Variants in IL20 observed in about 807,000 individuals in gnomAD.
IL20 encodes interleukin 20, also known as interleukin-20.
IL20 carries 22 observed loss-of-function variants against 19.2 expected under a neutral mutation model. The observed-to-expected ratio is 1.15, with a 90% CI of 0.82 to 1.64. The LOEUF is 1.64. Among genes scored for constraint, IL20 ranks in the 40% most tolerant of loss-of-function variants. The probability of loss-of-function intolerance (pLI) is 0.00; values close to 1 mark genes in which losing one functional copy is unlikely to be tolerated. For missense variants in IL20, 215 were observed against 212.8 expected (o/e 1.01, Z -0.06); for synonymous variants, 70 against 76.2 (o/e 0.92, Z 0.43).
chr1:206,867,280 T>C, intron 4 of IL20, 104 bp from the exon 5 acceptor site: 1 of 900,646 alleles, frequency 1.1e-6, no homozygotes, highest in East Asian at 2.5e-5. Context: ...GGAATAAGCA[T>C]CCTCAGGGTT....
chr1:206,867,091 G>A (rs903362791), intron 4 of IL20, among the ~76,000 whole-genome samples: 1 of 149,572 alleles, frequency 6.7e-6, no homozygotes, highest in African/African-American at 2.5e-5. Flanking sequence ...CTAGACTACA[G>A]CTGGGGGTTG....
At chr1:206,863,927 G>A (rs1176526840), upstream of IL20, among the ~76,000 whole-genome samples, 2 of 152,038 alleles carry the variant, frequency 1.3e-5, no homozygotes, top group Admixed American at 6.6e-5. Flanking sequence ...TTAAATAATC[G>A]ATTTAAAATC....
chr1:206,867,109 G>A (rs1677574228), intron 4 of IL20, among the ~76,000 whole-genome samples: 2 of 149,834 alleles, frequency 1.3e-5, no homozygotes, highest in South Asian at 4.2e-4. Context: ...TTGTGGGGAG[G>A]CCAGATGGGG....
rs1244419334 is a variant in IL20 at position 206,869,170 on chromosome 1, G to A, written c.*606G>A. 6.6e-6 allele frequency: 1 copy of A among 152,236 alleles called. No homozygotes were observed. The highest frequency in any genetic ancestry group is 2.4e-5 in the African/African-American group (1 of 41,372). 9.4% of individuals were successfully genotyped at this position (152,236 alleles called of 1,614,324 possible). A position where few individuals can be genotyped will look rare whatever the true frequency, so the allele number is the denominator to read the frequency against. ...CCATAATTGTGTATCTTCCAGCCAG[G>A]AATCCTACACGGCCAGCATGTATTT... On this transcript the variant is annotated 3_prime_UTR_variant, in exon 6 of 6. Coordinates refer to ENST00000367098, the MANE Select transcript of IL20 (RefSeq NM_018724.4).
upstream of IL20, chr1:206,865,530 A>AGTGCCTGCTGTTCCAGGCC: frequency 1.8e-6 from 2 of 1,116,712 alleles, no homozygotes; most frequent in Non-Finnish European, 2.2e-6. This position sits in a 1 kb window ranked among gnomAD's most constrained non-coding sequence, Gnocchi z 4.1. Flanking sequence ...ATTCACTGCA[A>AGTGCCTGCTGTTCCAGGCC]GTGCCTGCTG....
rs1677635499 is a variant in IL20, at chr1:206,868,829, T to G, written c.*265T>G. On this transcript the variant is annotated 3_prime_UTR_variant, in exon 6 of 6. Transcript: ENST00000367098. Reference sequence around the variant, plus strand: ...TTATTAGTTAATATATTTATTTATTTTTTGCTATTTAATGTATTTATTTTT... The same window carrying G: ...TTATTAGTTAATATATTTATTTATTGTTTGCTATTTAATGTATTTATTTTT... The G allele has an allele frequency of 1.0e-5, 2 of 193,682 alleles. No homozygotes were observed. The highest frequency in any genetic ancestry group is 1.0e-5 in the Non-Finnish European group (1 of 96,416). The allele number at this position is 193,682 out of a possible 1,614,324, so 12.0% of individuals were successfully genotyped here.
chr1:206,866,424 C>T (rs780648406), intron 3 of IL20, 60 bp downstream of exon 3: 521 of 1,612,990 alleles, frequency 3.2e-4, no homozygotes, highest in Non-Finnish European at 4.1e-4. Context: ...ATCTCCATCA[C>T]CCTGGTCTTG....
rs757168986 is a variant in IL20 at position 206,866,444 on chromosome 1, T to G, written c.226-40T>G. The stretch of plus-strand genomic sequence containing the variant: ...CATCACCCTGGTCTTGTCTCTGCTC[T>G]CCCCTTTCCCCTCACCAATATACCT... On this transcript the variant is annotated intron_variant, in intron 3 of 5. Coordinates refer to ENST00000367098, the MANE Select transcript of IL20 (RefSeq NM_018724.4). The G allele has an allele frequency of 5.9e-5, 95 of 1,613,526 alleles. 1 individual carries two copies. Among genetic ancestry groups the G allele is most frequent in the Non-Finnish European group, 7.8e-5 (92 of 1,179,650 alleles).
Position 206,865,726 on chromosome 1 carries a change from A to T in IL20, c.-31+40A>T. 6.8e-7 allele frequency: 1 copy of T among 1,462,880 alleles called. No individual in the cohort carries two copies. The highest frequency in any genetic ancestry group is 1.5e-5 in the South Asian group (1 of 68,428). The allele number at this position is 1,462,880 out of a possible 1,614,324, so 90.6% of individuals were successfully genotyped here. On this transcript the variant is annotated intron_variant, in intron 1 of 5. Transcript: ENST00000367098. The surrounding 1 kb of genome is among the most constrained non-coding windows in gnomAD (Gnocchi z 4.1). Reference sequence around the variant, plus strand: ...TGGGCCACACTGTCTGAGGCCAGATAAGGCTGTTCTCTTCCCCTGACCCCC... The same window carrying T: ...TGGGCCACACTGTCTGAGGCCAGATTAGGCTGTTCTCTTCCCCTGACCCCC...
rs746304533 is a variant in IL20 at position 206,866,527 on chromosome 1, A to G, written c.269A>G (p.Tyr90Cys). 6 of 1,614,004 alleles carry G rather than the reference A, an allele frequency of 3.7e-6. No homozygotes were observed. In the East Asian group the frequency reaches 8.9e-5, roughly 24 times the overall value. Residue 90 changes from tyrosine (Y) to cysteine (C), a missense_variant, in exon 4 of 6, where the codon TAT becomes TGT. Coordinates refer to ENST00000367098, the MANE Select transcript of IL20 (RefSeq NM_018724.4). ...CCLLRHLLRL[Y>C]LDRVFKNYQT... Reference sequence around the variant, plus strand: ...CTCCTGCGCCATTTGCTAAGACTCTATCTGGACAGGGTATTTAAAAACTAC... The same window carrying G: ...CTCCTGCGCCATTTGCTAAGACTCTGTCTGGACAGGGTATTTAAAAACTAC...
chr1:206,868,256 A>G (rs1241013213), intron 5 of IL20, among the ~76,000 whole-genome samples: 2 of 152,144 alleles, frequency 1.3e-5, no homozygotes, highest in African/African-American at 4.8e-5. Flanking sequence ...TAGCAGTTTT[A>G]CTTCTGCTAC....
intron 5 of IL20, among the ~76,000 whole-genome samples, chr1:206,868,117 GT>G (rs1258099208): frequency 1.3e-5 from 2 of 151,700 alleles, no homozygotes; most frequent in Non-Finnish European, 2.9e-5. Flanking sequence ...ATCAATATCT[GT>G]TCAACTGATG....
upstream of IL20, among the ~76,000 whole-genome samples, chr1:206,865,156 T>G (rs1182955234): frequency 1.3e-5 from 2 of 152,222 alleles, no homozygotes; most frequent in African/African-American, 4.8e-5. The surrounding 1 kb of genome is among the most constrained non-coding windows in gnomAD (Gnocchi z 4.1). Context: ...GGAATCGGGC[T>G]GATTGCCCAT....
At chr1:206,866,212 G>A in intron 2 of IL20, 87 bp from the exon 3 acceptor site, 1 of 1,341,048 alleles carries the variant, frequency 7.5e-7, no homozygotes, top group Non-Finnish European at 1.1e-6. Context: ...CTAGTTCTTG[G>A]CAGGGAGTGG....
At chr1:206,866,688 G>A (rs769010425) in intron 4 of IL20, 52 bp downstream of exon 4, 16 of 1,538,056 alleles carry the variant, frequency 1.0e-5, no homozygotes, top group Admixed American at 1.7e-5. Context: ...AGCTTCAATG[G>A]CTTAGCAACT....
At chr1:206,867,225 G>T (rs2102505988) in intron 4 of IL20, among the ~76,000 whole-genome samples, 159 bp from the exon 5 acceptor site, 2 of 152,216 alleles carry the variant, frequency 1.3e-5, no homozygotes, top group South Asian at 4.2e-4. Flanking sequence ...AGCTGATGAT[G>T]AACTTAGTGA....
chr1:206,866,066 C>G, intron 2 of IL20, 55 bp downstream of exon 2: 2 of 1,540,610 alleles, frequency 1.3e-6, no homozygotes, highest in South Asian at 2.2e-5. Flanking sequence ...CTTCCTTGTC[C>G]GTTTCTCTTT....
intron 5 of IL20, among the ~76,000 whole-genome samples, chr1:206,867,809 C>A (rs966621613): frequency 2.0e-5 from 3 of 152,004 alleles, no homozygotes; most frequent in African/African-American, 4.8e-5. Flanking sequence ...CACACCCATG[C>A]CATTCAATTT....
chr1:206,868,188 AC>A (rs944159898), intron 5 of IL20, among the ~76,000 whole-genome samples: 1 of 151,890 alleles, frequency 6.6e-6, no homozygotes, highest in African/African-American at 2.4e-5. Flanking sequence ...ACACACACAC[AC>A]GTTTCTTAAA....
Sources: allele counts gnomAD v4.1 joint callset (sites outside exome capture counted in the v4.1 genomes callset), GRCh38; gene constraint gnomAD v4.1.1; non-coding constraint Gnocchi (gnomAD v3.1); transcripts MANE v1.5; gene names NCBI Gene and HGNC (gene_info 2026-07-23, HGNC 2026-07-21).